TULP4: variants seen among roughly 807,000 people sequenced by gnomAD.
TULP4 encodes TUB like protein 4, also known as tubby-related protein 4.
Under a neutral mutation model 129.0 loss-of-function variants are expected in TULP4, and 16 were observed. The ratio of observed to expected loss-of-function variants is 0.12; its 90% CI spans 0.08 to 0.19. TULP4 has a LOEUF of 0.19. TULP4 is among the 10% of genes least tolerant of loss of function. TULP4 has a pLI of 1.00. For synonymous variants in TULP4, 998 were observed against 854.0 expected, an observed-to-expected ratio of 1.17 and a Z score of -2.94; for missense variants, 1,842 against 2,059.1, an observed-to-expected ratio of 0.89 and a Z score of 2.04.
At chr6:158,368,482 A>C (rs1776995182) in intron 1 of TULP4, among the ~76,000 whole-genome samples, 1 of 152,180 alleles carries the variant, frequency 6.6e-6, no homozygotes, top group African/African-American at 2.4e-5. Flanking sequence ...AGCCCTTTTG[A>C]ACAGCATGTG....
At chr6:158,243,049 A>G (rs1178695453) in intron 1 of TULP4, among the ~76,000 whole-genome samples, 1 of 152,118 alleles carries the variant, frequency 6.6e-6, no homozygotes, top group Non-Finnish European at 1.5e-5. Context: ...GGCCTCCCAA[A>G]GTGCTGGGAT....
At chr6:158,480,931 C>T in intron 7 of TULP4, 124 bp from the exon 8 acceptor site, 2 of 817,598 alleles carry the variant, frequency 2.4e-6, no homozygotes, top group Non-Finnish European at 3.8e-6. Flanking sequence ...TCCCCAGGCC[C>T]CCAGCCTGTG....
At chr6:158,308,538 C>T (rs1359453118), upstream of TULP4, among the ~76,000 whole-genome samples, 135 of 151,986 alleles carry the variant, frequency 8.9e-4, no homozygotes, top group African/African-American at 2.7e-3. Context: ...GACGGGGTGG[C>T]GGCCGGGCAG....
At chr6:158,451,779 C>G (rs1468221627) in intron 4 of TULP4, among the ~76,000 whole-genome samples, 1 of 152,246 alleles carries the variant, frequency 6.6e-6, no homozygotes, top group Non-Finnish European at 1.5e-5. Context: ...CTCCTACCAT[C>G]CTTGGATGTT....
At chr6:158,238,412 A>G (rs1452749072) in intron 1 of TULP4, 2 of 424,776 alleles carry the variant, frequency 4.7e-6, no homozygotes, top group Non-Finnish European at 8.1e-6. Context: ...GCCTTGTTAA[A>G]TTGTTTTTTT....
At chr6:158,468,076 C>T (rs926879985) in intron 6 of TULP4, among the ~76,000 whole-genome samples, 3 of 152,184 alleles carry the variant, frequency 2.0e-5, no homozygotes, top group Non-Finnish European at 4.4e-5. Flanking sequence ...GTGTGGGAGC[C>T]GCTTACAGAC....
intron 9 of TULP4, among the ~76,000 whole-genome samples, chr6:158,491,111 G>C (rs1429413197): frequency 1.3e-5 from 2 of 152,182 alleles, no homozygotes; most frequent in Non-Finnish European, 2.9e-5. Flanking sequence ...CAGTATTCCA[G>C]GGTAGCCGCA....
Position 158,506,448 on chromosome 6 carries a change from G to A in TULP4, c.4516-130G>A, listed in dbSNP as rs1010641414. 4.2e-6 allele frequency: 3 copies of A among 722,116 alleles called. No individual in the cohort carries two copies. In the African/African-American group the frequency reaches 5.2e-5, roughly 13 times the overall value. 44.7% of individuals were successfully genotyped at this position (722,116 alleles called of 1,614,324 possible). A position where few individuals can be genotyped will look rare whatever the true frequency, so the allele number is the denominator to read the frequency against. On this transcript the variant is annotated intron_variant, in intron 13 of 13. Coordinates refer to ENST00000367097, the MANE Select transcript of TULP4 (RefSeq NM_020245.5). ...GGGTTTCACCGTGTTAGCCAGGGTG[G>A]TCTCTATCTCCTGACGTCGTGATCT...
intron 1 of TULP4, among the ~76,000 whole-genome samples, chr6:158,296,900 G>A (rs985611196): frequency 6.6e-6 from 1 of 152,178 alleles, no homozygotes; most frequent in South Asian, 2.1e-4. Context: ...GAGGAAACAG[G>A]ACAAGGCAAA....
chr6:158,260,018 G>A (rs1393541901), intron 1 of TULP4, among the ~76,000 whole-genome samples: 4 of 152,182 alleles, frequency 2.6e-5, no homozygotes, highest in African/African-American at 9.7e-5. Context: ...TTATGACATC[G>A]TTGGTCATGT....
intron 5 of TULP4, among the ~76,000 whole-genome samples, chr6:158,458,424 T>TTG (rs1213519792): frequency 6.6e-6 from 1 of 152,184 alleles, no homozygotes; most frequent in Non-Finnish European, 1.5e-5. Flanking sequence ...TACGGACCTC[T>TTG]TGTGTGCTCT....
At chr6:158,237,597 G>A (rs1777739336) in intron 1 of TULP4, 1 of 1,494,298 alleles carries the variant, frequency 6.7e-7, no homozygotes. Context: ...TTCCCTGGTA[G>A]AAAGAACATT....
upstream of TULP4, among the ~76,000 whole-genome samples, chr6:158,278,931 G>GTTTT (rs1389156177): frequency 8.3e-5 from 8 of 96,066 alleles, no homozygotes; most frequent in Non-Finnish European, 1.6e-4. Context: ...CATAGTTGTT[G>GTTTT]TTTTTTTTTG....
chr6:158,481,195 C>T lies in TULP4; in HGVS notation c.1392C>T (p.Tyr464=), dbSNP rs754422169. The change falls in exon 8 of 14, where the codon TAC becomes TAT. Residue 464 remains tyrosine, a synonymous_variant. Transcript: ENST00000367097. ...GGPCYTLYLE[Y]LGGLVPILKG... is the part of the protein sequence containing the mutation. The stretch of plus-strand genomic sequence containing the variant: ...CGTGCTACACGCTCTACCTGGAGTA[C>T]CTGGGCGGGCTTGTGCCCATCCTCA... 5 of 1,614,254 alleles carry T rather than the reference C, an allele frequency of 3.1e-6. No individual in the cohort carries two copies. The South Asian group carries it at 5.5e-5, about 18-fold the overall frequency.
At chr6:158,340,759 T>C (rs1201530286) in intron 1 of TULP4, among the ~76,000 whole-genome samples, 1 of 152,162 alleles carries the variant, frequency 6.6e-6, no homozygotes, top group Non-Finnish European at 1.5e-5. Context: ...CCTTACTGTT[T>C]GTACCACTTG....
At chr6:158,484,990 T>G (rs1780033197) in intron 8 of TULP4, among the ~76,000 whole-genome samples, 1 of 152,238 alleles carries the variant, frequency 6.6e-6, no homozygotes, top group Non-Finnish European at 1.5e-5. Context: ...GTAATGGATA[T>G]AGGCTAGAAG....
At chr6:158,369,039 T>C (rs961952485) in intron 1 of TULP4, among the ~76,000 whole-genome samples, 3 of 152,044 alleles carry the variant, frequency 2.0e-5, no homozygotes, top group African/African-American at 4.8e-5. Context: ...GAAGTGTCTC[T>C]ATTTATATCT....
intron 1 of TULP4, among the ~76,000 whole-genome samples, chr6:158,303,703 CACAG>C: frequency 6.6e-6 from 1 of 150,984 alleles, no homozygotes; most frequent in Admixed American, 6.5e-5. Context: ...CTTGAGCACT[CACAG>C]ACAATGTGTT....
chr6:158,340,747 A>G (rs184981332), intron 1 of TULP4, among the ~76,000 whole-genome samples: 14 of 152,232 alleles, frequency 9.2e-5, no homozygotes, highest in Non-Finnish European at 1.9e-4. Context: ...GCAGGCCCTC[A>G]TCCTTACTGT....
Sources: gnomAD v4.1 joint callset for allele counts (sites outside exome capture counted in the v4.1 genomes callset) on GRCh38, gnomAD v4.1.1 for gene constraint, MANE v1.5 for transcripts, NCBI Gene and HGNC (gene_info 2026-07-23, HGNC 2026-07-21) for gene names.